The following SLC9A9 variants were observed in gnomAD, a reference collection of about 807,000 sequenced individuals.
SLC9A9 encodes the protein solute carrier family 9 member A9.
In SLC9A9, 62 loss-of-function variants were observed where a neutral mutation model predicts 77.8. The observed-to-expected ratio is 0.80, with a 90% CI of 0.65 to 0.98. The LOEUF is 0.98. Ranked by LOEUF, SLC9A9 falls within the 50% of genes least tolerant of loss-of-function variation. The pLI is 0.00. For synonymous variants in SLC9A9, 320 were observed against 283.5 expected (o/e 1.13, Z -1.29); for missense variants, 775 against 774.9 (o/e 1.00, Z 0.00).
rs1937703212 is a variant in SLC9A9, at chr3:143,266,051, C to T, written c.*651G>A. The stretch of plus-strand genomic sequence containing the variant: ...GTGCTGCATTTAGGGCAGGGCACAC[C>T]CAGCCATAGGCAACCCCTTTGAGCG... On this transcript the variant is annotated 3_prime_UTR_variant, in exon 16 of 16. Coordinates refer to ENST00000316549, the MANE Select transcript of SLC9A9 (RefSeq NM_173653.4). 2.8e-6 allele frequency: 2 copies of T among 702,118 alleles called. No homozygotes were observed. Among genetic ancestry groups the T allele is most frequent in the Admixed American group, 2.0e-5 (1 of 49,952 alleles). 43.5% of individuals were successfully genotyped at this position (702,118 alleles called of 1,614,324 possible).
At chr3:143,739,872 T>C (rs1048371991) in intron 4 of SLC9A9, among the ~76,000 whole-genome samples, 2 of 152,202 alleles carry the variant, frequency 1.3e-5, no homozygotes, top group Non-Finnish European at 2.9e-5. Flanking sequence ...AGTTACTTAC[T>C]GGAAGTAAGC....
intron 2 of SLC9A9, among the ~76,000 whole-genome samples, chr3:143,812,499 T>C (rs905289363): frequency 6.6e-6 from 1 of 152,214 alleles, no homozygotes; most frequent in Non-Finnish European, 1.5e-5. Context: ...CAGAATGGCA[T>C]GTCTGGCATG....
At chr3:143,422,025 C>T (rs942772126) in intron 12 of SLC9A9, among the ~76,000 whole-genome samples, 1 of 152,058 alleles carries the variant, frequency 6.6e-6, no homozygotes, top group African/African-American at 2.4e-5. Flanking sequence ...CAAATCAAAA[C>T]CACAATATGA....
At chr3:143,844,466 C>T (rs2108900340) in intron 1 of SLC9A9, among the ~76,000 whole-genome samples, 1 of 152,208 alleles carries the variant, frequency 6.6e-6, no homozygotes, top group East Asian at 1.9e-4. Context: ...TGGGGAAAAA[C>T]ATTTATCATT....
chr3:143,280,959 C>G (rs1009959149), intron 14 of SLC9A9, among the ~76,000 whole-genome samples: 1 of 152,190 alleles, frequency 6.6e-6, no homozygotes, highest in Non-Finnish European at 1.5e-5. Flanking sequence ...TATTCTGTTC[C>G]ATTCCATTTG....
At chr3:143,738,914 C>A (rs1372931390) in intron 4 of SLC9A9, among the ~76,000 whole-genome samples, 4 of 152,196 alleles carry the variant, frequency 2.6e-5, no homozygotes, top group African/African-American at 9.6e-5. Context: ...GGATATACCA[C>A]CTTCCTAGTA....
chr3:143,818,697 A>G (rs562755704), intron 2 of SLC9A9, among the ~76,000 whole-genome samples: 5 of 33,032 alleles, frequency 1.5e-4, no homozygotes, highest in East Asian at 9.7e-4. Flanking sequence ...GTCCAAACCT[A>G]TTGAGTTTTT....
intron 5 of SLC9A9, among the ~76,000 whole-genome samples, chr3:143,685,272 A>C (rs1933227325): frequency 6.6e-6 from 1 of 152,064 alleles, no homozygotes; most frequent in Non-Finnish European, 1.5e-5. Flanking sequence ...ATGTCTTGGA[A>C]ATCTAGGGTG....
Position 143,656,025 on chromosome 3 carries a change from C to CAAGG in SLC9A9, c.650-3669_650-3666dup, listed in dbSNP as rs143826768. On this transcript the variant is annotated intron_variant, in intron 5 of 15. Coordinates refer to ENST00000316549, the MANE Select transcript of SLC9A9 (RefSeq NM_173653.4). ...AGAAAGGATGAGAAAACTGCTGGAG[C>CAAGG]AAGGTCTGGAGAAGGCAGAAGAAAA... Among the ~76,000 whole-genome samples the CAAGG allele has an allele frequency of 7.9e-3, 1,197 of 152,220 alleles. 15 individuals carry two copies. The highest frequency in any genetic ancestry group is 0.025 in the African/African-American group (1,054 of 41,530).
intron 4 of SLC9A9, among the ~76,000 whole-genome samples, chr3:143,749,361 C>A (rs1052093327): frequency 2.6e-5 from 4 of 151,968 alleles, no homozygotes; most frequent in African/African-American, 7.3e-5. Flanking sequence ...GCTGTAAAAT[C>A]AAAAACACAA....
chr3:143,680,886 A>G (rs1476692124), intron 5 of SLC9A9, among the ~76,000 whole-genome samples: 2 of 152,122 alleles, frequency 1.3e-5, no homozygotes, highest in Non-Finnish European at 2.9e-5. Flanking sequence ...CATGCCCTCT[A>G]GCTTCTCATT....
chr3:143,493,459 C>T (rs2035781611), intron 11 of SLC9A9, among the ~76,000 whole-genome samples, 194 bp downstream of exon 11: 3 of 152,224 alleles, frequency 2.0e-5, no homozygotes, highest in Admixed American at 6.5e-5. Flanking sequence ...AAGATTCCCT[C>T]TAACTTCATT....
chr3:143,384,072 A>C (rs1299673075), intron 12 of SLC9A9, among the ~76,000 whole-genome samples: 1 of 152,126 alleles, frequency 6.6e-6, no homozygotes, highest in Admixed American at 6.5e-5. Flanking sequence ...GAGGGGAGGA[A>C]CCTTTGATTC....
intron 12 of SLC9A9, among the ~76,000 whole-genome samples, chr3:143,396,354 C>A (rs977223555): frequency 2.7e-5 from 4 of 148,514 alleles, no homozygotes; most frequent in Non-Finnish European, 3.0e-5. Flanking sequence ...GGATAAAAAA[C>A]CAAACACCGC....
intron 12 of SLC9A9, among the ~76,000 whole-genome samples, chr3:143,409,154 C>T (rs2034044753): frequency 6.6e-6 from 1 of 152,178 alleles, no homozygotes; most frequent in Non-Finnish European, 1.5e-5. Flanking sequence ...CCATAGTGCC[C>T]ATATTCAGTT....
intron 12 of SLC9A9, among the ~76,000 whole-genome samples, chr3:143,445,807 G>A (rs931111337): frequency 3.3e-5 from 5 of 152,194 alleles, no homozygotes; most frequent in African/African-American, 7.2e-5. Context: ...TCCAAGTGAA[G>A]AAAGTGTTTC....
intron 9 of SLC9A9, among the ~76,000 whole-genome samples, chr3:143,502,999 G>A (rs1576540005): frequency 6.6e-6 from 1 of 152,182 alleles, no homozygotes; most frequent in African/African-American, 2.4e-5. Context: ...TGGGGAATTT[G>A]CAAATAAGCA....
intron 4 of SLC9A9, among the ~76,000 whole-genome samples, chr3:143,715,132 A>G (rs1288779287): frequency 1.3e-5 from 2 of 152,114 alleles, no homozygotes; most frequent in African/African-American, 4.8e-5. Flanking sequence ...TCTTTTTTGT[A>G]AATTGCCCAG....
intron 4 of SLC9A9, among the ~76,000 whole-genome samples, chr3:143,708,853 A>C (rs1027877901): frequency 5.3e-5 from 8 of 152,212 alleles, no homozygotes; most frequent in African/African-American, 1.9e-4. Context: ...GGGAGGAGGG[A>C]TAACAAGCAT....
Sources: gnomAD v4.1 joint callset for allele counts (sites outside exome capture counted in the v4.1 genomes callset) on GRCh38, gnomAD v4.1.1 for gene constraint, MANE v1.5 for transcripts, NCBI Gene and HGNC (gene_info 2026-07-23, HGNC 2026-07-21) for gene names.